POLR3B: variants seen among roughly 807,000 people sequenced by gnomAD.
POLR3B encodes DNA-directed RNA polymerase III subunit RPC2.
POLR3B carries 96 observed loss-of-function variants against 147.4 expected under a neutral mutation model. The observed-to-expected ratio is 0.65, with a 90% CI of 0.55 to 0.77. POLR3B has a LOEUF of 0.77. Among genes scored for constraint, POLR3B ranks in the 30% least tolerant of loss-of-function variants. The pLI is 0.00. For synonymous variants in POLR3B, 461 were observed against 485.9 expected, an observed-to-expected ratio of 0.95 and a Z score of 0.67; for missense variants, 1,036 against 1,413.5, an observed-to-expected ratio of 0.73 and a Z score of 4.28.
chr12:106,358,044 G>A, intron 1 of POLR3B, 93 bp downstream of exon 1: 1 of 1,564,470 alleles, frequency 6.4e-7, no homozygotes, highest in Non-Finnish European at 8.6e-7. Flanking sequence ...GGGCGGGCTG[G>A]CGGTTTGTGC....
Position 106,456,520 on chromosome 12 carries a change from T to C in POLR3B, c.2294-618T>C, listed in dbSNP as rs142439849. The stretch of plus-strand genomic sequence containing the variant: ...TTATTTCTTTTTTCATTCTGTCTCT[T>C]CTCTGGAGAAAAATTATTGTTTTTA... On this transcript the variant is annotated intron_variant, in intron 20 of 27. Transcript: ENST00000228347. Among the ~76,000 whole-genome samples, 680 of 152,294 alleles carry C rather than the reference T, an allele frequency of 4.5e-3. 4 individuals carry two copies. The highest frequency in any genetic ancestry group is 0.016 in the African/African-American group (655 of 41,566).
intron 22 of POLR3B, among the ~76,000 whole-genome samples, chr12:106,462,026 T>C (rs2037944308): frequency 6.6e-6 from 1 of 152,214 alleles, no homozygotes; most frequent in Non-Finnish European, 1.5e-5. Flanking sequence ...TGGCATCAGC[T>C]GCCAGCAGCC....
At chr12:106,432,912 T>C (rs542851498) in intron 15 of POLR3B, among the ~76,000 whole-genome samples, 8 of 152,312 alleles carry the variant, frequency 5.3e-5, no homozygotes, top group African/African-American at 1.7e-4. Context: ...CTCCTTTGGC[T>C]CACACTCCAG....
chr12:106,459,879 A>G (rs754561611), intron 22 of POLR3B, among the ~76,000 whole-genome samples: 1 of 152,216 alleles, frequency 6.6e-6, no homozygotes, highest in Non-Finnish European at 1.5e-5. Context: ...TAATACAATG[A>G]AAGAGTTAGA....
At chr12:106,446,252 G>A (rs1378384503) in intron 19 of POLR3B, 2 of 455,866 alleles carry the variant, frequency 4.4e-6, no homozygotes, top group Non-Finnish European at 4.4e-6. Context: ...ACCTTCAGCA[G>A]AATTAACGGA....
intron 23 of POLR3B, among the ~76,000 whole-genome samples, chr12:106,479,697 T>C (rs535213228): frequency 3.3e-5 from 5 of 152,328 alleles, no homozygotes; most frequent in African/African-American, 7.2e-5. Context: ...CTTTCTCTTA[T>C]AGCAAGAAGT....
intron 18 of POLR3B, among the ~76,000 whole-genome samples, chr12:106,441,066 A>G (rs1055912535): frequency 2.0e-5 from 3 of 152,194 alleles, no homozygotes; most frequent in Non-Finnish European, 2.9e-5. Flanking sequence ...TGCCGATGCT[A>G]ATAATTTCTT....
Position 106,357,804 on chromosome 12 carries a change from G to C in POLR3B, c.-76G>C. On this transcript the variant is annotated 5_prime_UTR_variant, in exon 1 of 28. Coordinates refer to ENST00000228347, the MANE Select transcript of POLR3B (RefSeq NM_018082.6). ...TTAGGCCTCCGCGCACCGTTCGCCG[G>C]GAGTCTTGCAGTTTGCTTGGTGCAG... The C allele has an allele frequency of 7.1e-7, 1 of 1,416,468 alleles. No individual in the cohort carries two copies. Among genetic ancestry groups the C allele is most frequent in the African/African-American group, 1.4e-5 (1 of 71,468 alleles). The allele number at this position is 1,416,468 out of a possible 1,614,324, so 87.7% of individuals were successfully genotyped here. A position where few individuals can be genotyped will look rare whatever the true frequency, so the allele number is the denominator to read the frequency against.
At chr12:106,381,755 G>A (rs184834294) in intron 9 of POLR3B, among the ~76,000 whole-genome samples, 3 of 152,232 alleles carry the variant, frequency 2.0e-5, no homozygotes, top group African/African-American at 7.2e-5. Context: ...TTTTTAAAGT[G>A]AAAGCAAGTT....
At chr12:106,426,291 G>A (rs1251604114) in intron 12 of POLR3B, among the ~76,000 whole-genome samples, 2 of 141,530 alleles carry the variant, frequency 1.4e-5, no homozygotes, top group African/African-American at 2.6e-5. Context: ...TCACTCTGTC[G>A]CTCAGGCTGG....
intron 1 of POLR3B, chr12:106,358,229 G>T: frequency 1.4e-6 from 2 of 1,390,352 alleles, no homozygotes; most frequent in African/African-American, 1.5e-5. Flanking sequence ...ATAGGTGTGC[G>T]TGGGGAGGAC....
chr12:106,468,364 G>T (rs2038036452), intron 23 of POLR3B, among the ~76,000 whole-genome samples: 1 of 152,034 alleles, frequency 6.6e-6, no homozygotes, highest in Admixed American at 6.6e-5. Context: ...AGTCTTCCTA[G>T]TGGTCTATGT....
At chr12:106,433,610 T>G in intron 15 of POLR3B, 109 bp from the exon 16 acceptor site, 2 of 864,580 alleles carry the variant, frequency 2.3e-6, no homozygotes, top group Non-Finnish European at 3.6e-6. Context: ...AATAATGGTA[T>G]TTTCAAATAA....
At chr12:106,405,782 G>A (rs2037143454) in intron 10 of POLR3B, 75 bp from the exon 11 acceptor site, 2 of 1,423,794 alleles carry the variant, frequency 1.4e-6, no homozygotes, top group Admixed American at 3.4e-5. Flanking sequence ...CGCTCATACT[G>A]TACATGTGGT....
chr12:106,404,865 G>T (rs1593022476), intron 10 of POLR3B, among the ~76,000 whole-genome samples: 2 of 152,168 alleles, frequency 1.3e-5, no homozygotes, highest in East Asian at 3.9e-4. Context: ...AAACTTTATA[G>T]TTTTTATGGT....
chr12:106,416,768 C>T (rs1295868515), intron 12 of POLR3B, among the ~76,000 whole-genome samples: 1 of 152,156 alleles, frequency 6.6e-6, no homozygotes, highest in Admixed American at 6.6e-5. Context: ...TAGATTCTTT[C>T]ACAGAGCCTG....
At chr12:106,458,175 G>A (rs1317352131) in intron 21 of POLR3B, among the ~76,000 whole-genome samples, 1 of 152,196 alleles carries the variant, frequency 6.6e-6, no homozygotes, top group East Asian at 1.9e-4. Flanking sequence ...AGGCTGGAGT[G>A]CAGTGGCACA....
intron 12 of POLR3B, among the ~76,000 whole-genome samples, chr12:106,419,248 G>A (rs1320602045): frequency 1.3e-5 from 2 of 152,130 alleles, no homozygotes; most frequent in Non-Finnish European, 2.9e-5. Context: ...CTCAGAGGAG[G>A]AAGTTTTCTT....
intron 12 of POLR3B, among the ~76,000 whole-genome samples, chr12:106,421,994 C>A (rs2037380070): frequency 6.6e-6 from 1 of 152,308 alleles, no homozygotes; most frequent in African/African-American, 2.4e-5. Flanking sequence ...GCCACGGTGC[C>A]CGGCCAACTT....
Sources: gnomAD v4.1 joint callset for allele counts (sites outside exome capture counted in the v4.1 genomes callset) on GRCh38, gnomAD v4.1.1 for gene constraint, MANE v1.5 for transcripts, NCBI Gene and HGNC (gene_info 2026-07-23, HGNC 2026-07-21) for gene names.